IL17REL: variants seen among roughly 807,000 people sequenced by gnomAD.
IL17REL encodes interleukin 17 receptor E like.
In IL17REL, 36 loss-of-function variants were observed where a neutral mutation model predicts 49.0. That is an observed-to-expected ratio of 0.73 (90% CI 0.56 to 0.97). The LOEUF (loss-of-function observed/expected upper bound fraction) is 0.97, where lower values mean the gene tolerates loss of function less well. IL17REL is among the 50% of genes least tolerant of loss of function. The pLI is 0.00. For synonymous variants in IL17REL, 206 were observed against 192.4 expected, an observed-to-expected ratio of 1.07 and a Z score of -0.58; for missense variants, 470 against 453.9, an observed-to-expected ratio of 1.04 and a Z score of -0.32.
exon 13 of IL17REL, chr22:49,995,226 G>T (rs934430955): frequency 6.6e-6 from 1 of 152,568 alleles, no homozygotes; most frequent in Non-Finnish European, 1.5e-5. Flanking sequence ...CCAGGCAGCT[G>T]CCAGGGCCTT....
chr22:50,004,154 C>T (rs1358978860), intron 1 of IL17REL, among the ~76,000 whole-genome samples: 1 of 152,144 alleles, frequency 6.6e-6, no homozygotes, highest in Non-Finnish European at 1.5e-5. Flanking sequence ...TCTCGGCTCA[C>T]TGCAACCTCT....
At chr22:50,003,962 A>G (rs929258735) in intron 1 of IL17REL, among the ~76,000 whole-genome samples, 1 of 152,276 alleles carries the variant, frequency 6.6e-6, no homozygotes, top group African/African-American at 2.4e-5. Context: ...TTGTCTCTGT[A>G]GAAAACACTA....
At chr22:50,000,958 G>C in intron 2 of IL17REL, 95 bp from the exon 4 acceptor site, 1 of 1,272,598 alleles carries the variant, frequency 7.9e-7, no homozygotes, top group Non-Finnish European at 1.1e-6. Context: ...CCTTCTCTCT[G>C]TGAAGTGCGG....
At chr22:50,001,196 C>CG in exon 2 of IL17REL, 2 of 1,574,302 alleles carry the variant, frequency 1.3e-6, no homozygotes, top group Non-Finnish European at 1.7e-6. Context: ...GACATGGACA[C>CG]GGGGCGTGGC....
At chr22:50,009,424 C>G (rs1231942190), upstream of IL17REL, among the ~76,000 whole-genome samples, 1 of 152,146 alleles carries the variant, frequency 6.6e-6, no homozygotes, top group Non-Finnish European at 1.5e-5. Flanking sequence ...GCAGAAGGCG[C>G]CCGGCACCCC....
chr22:50,000,625 CAG>C (rs1173025020), intron 3 of IL17REL, 33 bp from the exon 5 acceptor site: 3 of 1,590,016 alleles, frequency 1.9e-6, no homozygotes, highest in Admixed American at 3.3e-5. Context: ...TGCGTGGACT[CAG>C]AGGCACTGCC....
upstream of IL17REL, among the ~76,000 whole-genome samples, chr22:50,010,515 C>T (rs1198124337): frequency 6.6e-6 from 1 of 152,260 alleles, no homozygotes; most frequent in East Asian, 1.9e-4. Flanking sequence ...CGCCAGGTGC[C>T]CTGAAGCCCC....
rs1222320266 is a variant in IL17REL at position 49,999,804 on chromosome 22, G to A, written c.474+24C>T. 8 of 1,478,126 alleles carry A rather than the reference G, an allele frequency of 5.4e-6. No homozygotes were observed. In the Admixed American group the frequency reaches 1.2e-4, roughly 22 times the overall value. 91.6% of individuals were successfully genotyped at this position (1,478,126 alleles called of 1,614,324 possible). A position where few individuals can be genotyped will look rare whatever the true frequency, so the allele number is the denominator to read the frequency against. On this transcript the variant is annotated intron_variant, in intron 5 of 12. Transcript: ENST00000341280. ...AGGTGGGCGGGGCCTAAGGCTGACC[G>A]GGGCCCGGGGCGCGGGCGCTCACTC...
At chr22:50,001,290 G>C in intron 1 of IL17REL, 59 bp from the exon 3 acceptor site, 1 of 737,828 alleles carries the variant, frequency 1.4e-6, no homozygotes, top group Middle Eastern at 3.0e-4. Flanking sequence ...AAGGCTTTGT[G>C]GGTGGTTCTG....
rs137852 is a variant in IL17REL at position 50,004,851 on chromosome 22, CA to C, written c.-41-3621del. ...TGGATGACAGAGCAAGACTCCATCT[CA>C]AAAAAAAAAAGACAACCTCCTTTAT... On this transcript the variant is annotated intron_variant, in intron 1 of 12. Coordinates refer to ENST00000341280, the Ensembl canonical transcript of IL17REL. Among the ~76,000 whole-genome samples, 473 of 141,678 alleles carry C rather than the reference CA, an allele frequency of 3.3e-3. 3 individuals carry two copies. The highest frequency in any genetic ancestry group is 4.9e-3 in the Non-Finnish European group (318 of 65,452). 92.9% of individuals were successfully genotyped at this position (141,678 alleles called of 152,430 possible).
At chr22:50,004,030 T>A (rs2061094067) in intron 1 of IL17REL, among the ~76,000 whole-genome samples, 1 of 152,214 alleles carries the variant, frequency 6.6e-6, no homozygotes, top group African/African-American at 2.4e-5. Context: ...GAATACAAGA[T>A]CAATATACAA....
chr22:50,000,795 ACACGCT>A, exon 3 of IL17REL: 1 of 1,601,996 alleles, frequency 6.2e-7, no homozygotes, highest in Non-Finnish European at 8.5e-7. Flanking sequence ...CTGGCCACCC[ACACGCT>A]CTGACACTGC....
At chr22:49,998,629 C>T (rs918537836) in intron 7 of IL17REL, among the ~76,000 whole-genome samples, 28 of 142,542 alleles carry the variant, frequency 2.0e-4, no homozygotes, top group African/African-American at 6.6e-4. Context: ...TATGGGTGTG[C>T]GTGAGTGTGC....
At chr22:50,000,297 C>G (rs1338956142) in intron 4 of IL17REL, among the ~76,000 whole-genome samples, 57 bp from the exon 6 acceptor site, 1 of 152,236 alleles carries the variant, frequency 6.6e-6, no homozygotes, top group African/African-American at 2.4e-5. Context: ...AGGGGCCATC[C>G]TCCTCCACCC....
intron 1 of IL17REL, among the ~76,000 whole-genome samples, chr22:50,001,897 T>A (rs1190485768): frequency 1.3e-5 from 2 of 152,154 alleles, no homozygotes; most frequent in African/African-American, 4.8e-5. Context: ...ACCCTCTTTA[T>A]AGAAGGCATG....
intron 7 of IL17REL, among the ~76,000 whole-genome samples, chr22:49,998,675 G>A (rs181970108): frequency 3.1e-4 from 47 of 149,440 alleles, no homozygotes; most frequent in African/African-American, 7.6e-4. Context: ...ATGGGTGTGC[G>A]TGAGTGTGCC....
chr22:50,006,339 G>C (rs896010532), intron 1 of IL17REL, among the ~76,000 whole-genome samples: 1 of 151,978 alleles, frequency 6.6e-6, no homozygotes, highest in Non-Finnish European at 1.5e-5. Context: ...TGGTTTAAAC[G>C]GCCCCGACAG....
At chr22:49,993,368 G>A (rs564360322), downstream of IL17REL, among the ~76,000 whole-genome samples, 1 of 152,314 alleles carries the variant, frequency 6.6e-6, no homozygotes, top group South Asian at 2.1e-4. This position sits in a 1 kb window ranked among gnomAD's most constrained non-coding sequence, Gnocchi z 6.0. Context: ...CCTTTCTGGG[G>A]CCCGGGGTCC....
At chr22:49,997,383 C>A (rs1044083555) in exon 11 of IL17REL, 2 of 1,613,838 alleles carry the variant, frequency 1.2e-6, no homozygotes, top group Admixed American at 3.3e-5. Flanking sequence ...GTGACTTCCT[C>A]CTGTGACACA....
Sources: allele counts gnomAD v4.1 joint callset (sites outside exome capture counted in the v4.1 genomes callset), GRCh38; gene constraint gnomAD v4.1.1; non-coding constraint Gnocchi (gnomAD v3.1); transcripts MANE v1.5; gene names NCBI Gene and HGNC (gene_info 2026-07-23, HGNC 2026-07-21).